WBP11: variants seen among roughly 807,000 people sequenced by gnomAD.
WBP11 encodes the protein WW domain binding protein 11.
Under a neutral mutation model 66.7 loss-of-function variants are expected in WBP11, and 12 were observed. The ratio of observed to expected loss-of-function variants is 0.18; its 90% CI spans 0.12 to 0.29. The LOEUF is 0.29. WBP11 is among the 10% of genes least tolerant of loss of function. The pLI is 1.00. For missense variants in WBP11, 555 were observed against 818.3 expected, an observed-to-expected ratio of 0.68 and a Z score of 3.93; for synonymous variants, 255 against 273.8, an observed-to-expected ratio of 0.93 and a Z score of 0.68.
intron 11 of WBP11, among the ~76,000 whole-genome samples, chr12:14,787,752 T>TC (rs1468895033): frequency 1.3e-5 from 2 of 152,180 alleles, no homozygotes; most frequent in African/African-American, 4.8e-5. Flanking sequence ...TACTTTAAAA[T>TC]ATAAAGGGAC....
chr12:14,786,959 A>C lies in WBP11; in HGVS notation c.*106T>G. 1 of 1,225,230 alleles carries C rather than the reference A, an allele frequency of 8.2e-7. No individual in the cohort carries two copies. 75.9% of individuals were successfully genotyped at this position (1,225,230 alleles called of 1,614,324 possible). On this transcript the variant is annotated 3_prime_UTR_variant, in exon 12 of 12. Transcript: ENST00000261167. ...AGGATATTCCTTGAACTGAAATTAG[A>C]AAATACCCTGACAATGGAAGCAGCT...
intron 1 of WBP11, chr12:14,801,881 A>G (rs1949968544): frequency 6.4e-6 from 1 of 155,574 alleles, no homozygotes; most frequent in Non-Finnish European, 1.4e-5. Flanking sequence ...CACATACCTC[A>G]CCTTTGCCTC....
intron 3 of WBP11, 145 bp downstream of exon 3, chr12:14,800,607 T>G: frequency 1.4e-6 from 1 of 734,644 alleles, no homozygotes; most frequent in Non-Finnish European, 2.2e-6. Context: ...AAAGTTTGGC[T>G]TAGTATATCT....
At chr12:14,797,043 C>T (rs749494650) in intron 4 of WBP11, 40 bp from the exon 5 acceptor site, 9 of 1,507,040 alleles carry the variant, frequency 6.0e-6, no homozygotes, top group Non-Finnish European at 7.1e-6. Context: ...ATATAAGAGG[C>T]CACTTCAATT....
chr12:14,790,355 G>A (rs1380069333), intron 10 of WBP11, 101 bp downstream of exon 10: 1 of 1,410,076 alleles, frequency 7.1e-7, no homozygotes, highest in Non-Finnish European at 9.7e-7. Flanking sequence ...ATCCAATTAG[G>A]AGGAAACAAG....
chr12:14,803,304 G>A (rs1376874901), intron 1 of WBP11, 48 bp downstream of exon 1: 3 of 397,010 alleles, frequency 7.6e-6, no homozygotes, highest in African/African-American at 6.2e-5. Flanking sequence ...GGACGTGGAA[G>A]GGACGAAAGA....
chr12:14,796,649 C>T lies in WBP11; in HGVS notation c.387+158G>A, dbSNP rs983021289. Among the ~76,000 whole-genome samples the T allele has an allele frequency of 2.0e-5, 3 of 151,776 alleles. No homozygotes were observed. The highest frequency in any genetic ancestry group is 4.4e-5 in the Non-Finnish European group (3 of 67,924). ...TTCATGCTTAGACTAGGGTTCCATC[C>T]CCAAAATATATGCAAATATACACAA... is the stretch of plus-strand genomic sequence containing the variant. On this transcript the variant is annotated intron_variant, in intron 5 of 11. Transcript: ENST00000261167. This position sits in a 1 kb window ranked among gnomAD's most constrained non-coding sequence, Gnocchi z 4.5.
intron 8 of WBP11, among the ~76,000 whole-genome samples, chr12:14,792,019 A>C (rs1432496623): frequency 1.3e-5 from 2 of 152,154 alleles, no homozygotes; most frequent in East Asian, 3.8e-4. Flanking sequence ...AGGAGACTAC[A>C]AACTGGGTAC....
At chr12:14,795,345 C>G (rs1370479107) in intron 5 of WBP11, among the ~76,000 whole-genome samples, 1 of 152,022 alleles carries the variant, frequency 6.6e-6, no homozygotes, top group African/African-American at 2.4e-5. Flanking sequence ...TCAGGTAATT[C>G]TTTTTGGATG....
chr12:14,799,654 C>A lies in WBP11; in HGVS notation c.171G>T (p.Met57Ile). 1 of 1,613,284 alleles carries A rather than the reference C, an allele frequency of 6.2e-7. No homozygotes were observed. The highest frequency in any genetic ancestry group is 8.5e-7 in the Non-Finnish European group (1 of 1,179,548). Residue 57 changes from methionine (M) to isoleucine (I), a missense_variant, in exon 4 of 12, where the codon ATG (methionine) becomes ATT (isoleucine). Coordinates refer to ENST00000261167, the MANE Select transcript of WBP11 (RefSeq NM_016312.3). ...TCTTACCCATTTCATCCAATTTCTCCATGTCTCGGATTATCTGTTTTGGAT... is the reference window on the plus strand; with the variant it reads ...TCTTACCCATTTCATCCAATTTCTCAATGTCTCGGATTATCTGTTTTGGAT... ...MKDPKQIIRDMEKLDEMEFNP... is the reference protein window; with the variant it reads ...MKDPKQIIRDIEKLDEMEFNP...
At chr12:14,801,452 T>C (rs1266641276) in intron 1 of WBP11, 24 bp from the exon 2 acceptor site, 19 of 1,450,636 alleles carry the variant, frequency 1.3e-5, no homozygotes, top group Non-Finnish European at 1.4e-5. Flanking sequence ...GACAAAGAAA[T>C]AGCTTATATC....
chr12:14,789,580 G>A (rs1949797702), intron 10 of WBP11, among the ~76,000 whole-genome samples: 1 of 151,756 alleles, frequency 6.6e-6, no homozygotes, highest in Non-Finnish European at 1.5e-5. Context: ...ACAAGACTCC[G>A]TCTTAAAAAA....
intron 11 of WBP11, among the ~76,000 whole-genome samples, chr12:14,788,164 A>C (rs1001815611): frequency 2.0e-5 from 3 of 152,120 alleles, no homozygotes; most frequent in African/African-American, 7.2e-5. Flanking sequence ...GCTTGAACCC[A>C]GGAGGCGGAG....
intron 7 of WBP11, 94 bp from the exon 8 acceptor site, chr12:14,794,016 G>T: frequency 2.0e-5 from 11 of 563,800 alleles, no homozygotes; most frequent in South Asian, 5.3e-5. Flanking sequence ...ATTCAACTCA[G>T]ACTGTAACAA....
Position 14,785,181 on chromosome 12 carries a change from G to A in WBP11, c.*1884C>T, listed in dbSNP as rs977485455. The A allele has an allele frequency of 2.0e-5, 3 of 152,210 alleles. No homozygotes were observed. The highest frequency in any genetic ancestry group is 7.2e-5 in the African/African-American group (3 of 41,436). 9.4% of individuals were successfully genotyped at this position (152,210 alleles called of 1,614,324 possible). A position where few individuals can be genotyped will look rare whatever the true frequency, so the allele number is the denominator to read the frequency against. ...AACTACTTGGGAGGCTGAGGCCAGA[G>A]ATCACTTGAACCCAGGAGTTTCAGG... On this transcript the variant is annotated 3_prime_UTR_variant, in exon 12 of 12. Transcript: ENST00000261167.
Position 14,801,407 on chromosome 12 carries a change from T to G in WBP11, c.-24A>C. The G allele has an allele frequency of 6.2e-7, 1 of 1,610,008 alleles. No homozygotes were observed. Among genetic ancestry groups the G allele is most frequent in the Non-Finnish European group, 8.5e-7 (1 of 1,178,410 alleles). ...ATGTTGACAATTTGTATGGTTTACT[T>G]GTTCATTAAAAAAAGAAAAACCTGT... is the stretch of plus-strand genomic sequence containing the variant. On this transcript the variant is annotated 5_prime_UTR_variant, in exon 2 of 12. Transcript: ENST00000261167.
chr12:14,802,979 T>C (rs979259566), intron 1 of WBP11, among the ~76,000 whole-genome samples: 3 of 152,076 alleles, frequency 2.0e-5, no homozygotes, highest in South Asian at 2.1e-4. Flanking sequence ...CAAATAAGCG[T>C]TGGATAACTC....
chr12:14,799,485 T>C lies in WBP11; in HGVS notation c.190+150A>G, dbSNP rs186436063. ...CCAGTTTGCAACAGCCCTCTAGCAC[T>C]CCATTTTGTCTCCCTGAAACTAACA... On this transcript the variant is annotated intron_variant, in intron 4 of 11. Transcript: ENST00000261167. 1.1e-4 allele frequency: 76 copies of C among 698,232 alleles called. No individual in the cohort carries two copies. In the African/African-American group the frequency reaches 1.2e-3, roughly 11 times the overall value. The allele number at this position is 698,232 out of a possible 1,614,324, so 43.3% of individuals were successfully genotyped here. A position where few individuals can be genotyped will look rare whatever the true frequency, so the allele number is the denominator to read the frequency against.
rs1949890938 is a variant in WBP11 at position 14,796,047 on chromosome 12, C to G, written c.387+760G>C. 1.3e-5 allele frequency among the ~76,000 whole-genome samples: 2 copies of G among 152,096 alleles called. No homozygotes were observed. The highest frequency in any genetic ancestry group is 4.8e-5 in the African/African-American group (2 of 41,412). On this transcript the variant is annotated intron_variant, in intron 5 of 11. Coordinates refer to ENST00000261167, the MANE Select transcript of WBP11 (RefSeq NM_016312.3). The surrounding 1 kb of genome is among the most constrained non-coding windows in gnomAD (Gnocchi z 4.5). ...CCCAATCCATCTCTAATATCATCCC[C>G]CAAGGCAACCACGGCTACATTTTTT...
Sources: gnomAD v4.1 joint callset for allele counts (sites outside exome capture counted in the v4.1 genomes callset) on GRCh38, gnomAD v4.1.1 for gene constraint, Gnocchi (gnomAD v3.1) non-coding constraint, MANE v1.5 for transcripts, NCBI Gene and HGNC (gene_info 2026-07-23, HGNC 2026-07-21) for gene names.